HYCC2: variants seen among roughly 807,000 people sequenced by gnomAD.
HYCC2 encodes the protein hyccin 2.
the HYCC2 span, chr2:201,009,149 T>G: frequency 1.0e-6 from 1 of 969,526 alleles, no homozygotes; most frequent in Non-Finnish European, 1.6e-6. Context: ...ATCTGTATCA[T>G]GTAATAATAT....
the HYCC2 span, among the ~76,000 whole-genome samples, chr2:201,028,178 A>C: frequency 6.6e-6 from 1 of 152,156 alleles, no homozygotes; most frequent in African/African-American, 2.4e-5. Context: ...ATAACAAACA[A>C]ACAAAGAGCC....
the HYCC2 span, chr2:200,975,183 C>A: frequency 6.6e-6 from 1 of 151,920 alleles, no homozygotes; most frequent in Non-Finnish European, 1.5e-5. Context: ...AAAATGGAAT[C>A]TTGTAGCTAC....
At chr2:200,989,801 G>A in the HYCC2 span, among the ~76,000 whole-genome samples, 7 of 152,046 alleles carry the variant, frequency 4.6e-5, no homozygotes, top group East Asian at 1.9e-4. Context: ...GTGACAGAGT[G>A]AGACCCTGTC....
At chr2:200,998,321 T>A in the HYCC2 span, among the ~76,000 whole-genome samples, 3 of 152,220 alleles carry the variant, frequency 2.0e-5, no homozygotes, top group African/African-American at 7.2e-5. Flanking sequence ...TGCTCCTTCT[T>A]AATAGAATAT....
chr2:200,995,644 C>G, the HYCC2 span, among the ~76,000 whole-genome samples: 1 of 152,170 alleles, frequency 6.6e-6, no homozygotes, highest in Admixed American at 6.5e-5. Context: ...CTGAAGCCCT[C>G]AGTCCTACAG....
chr2:201,067,032 C>G, the HYCC2 span: 1 of 345,030 alleles, frequency 2.9e-6, no homozygotes, highest in South Asian at 2.6e-5. Context: ...GATGTTAAAG[C>G]CAACAAGCAC....
the HYCC2 span, chr2:200,980,612 T>C: frequency 6.5e-6 from 1 of 152,770 alleles, no homozygotes; most frequent in Non-Finnish European, 1.5e-5. Flanking sequence ...CCAATGGAGG[T>C]GGTCACAACT....
chr2:201,009,150 GTAA>G, the HYCC2 span: 704 of 966,600 alleles, frequency 7.3e-4, 1 homozygote, highest in Non-Finnish European at 7.3e-4. Flanking sequence ...TCTGTATCAT[GTAA>G]TAATATTTAA....
the HYCC2 span, among the ~76,000 whole-genome samples, chr2:201,038,939 A>T: frequency 6.6e-6 from 1 of 151,992 alleles, no homozygotes; most frequent in African/African-American, 2.4e-5. Context: ...AAAAAAAAAA[A>T]GCTTAACTAA....
the HYCC2 span, among the ~76,000 whole-genome samples, chr2:201,018,387 G>A: frequency 2.5e-4 from 38 of 152,062 alleles, no homozygotes; most frequent in East Asian, 7.3e-3. Flanking sequence ...GTAATTTCAT[G>A]TACTTTCCTC....
chr2:200,992,913 T>C, the HYCC2 span: 13 of 1,611,566 alleles, frequency 8.1e-6, no homozygotes, highest in African/African-American at 1.3e-5. Flanking sequence ...CTGTGAGAAG[T>C]TGCACCATAA....
At chr2:201,007,533 A>G in the HYCC2 span, among the ~76,000 whole-genome samples, 1 of 152,210 alleles carries the variant, frequency 6.6e-6, no homozygotes, top group African/African-American at 2.4e-5. Flanking sequence ...AAAAACCTTA[A>G]GTTGAACCAT....
At chr2:201,005,606 T>C in the HYCC2 span, among the ~76,000 whole-genome samples, 1 of 152,200 alleles carries the variant, frequency 6.6e-6, no homozygotes, top group Non-Finnish European at 1.5e-5. Context: ...AGAATGTATA[T>C]TTATCGCCTA....
the HYCC2 span, chr2:200,982,001 C>T: frequency 2.3e-6 from 2 of 880,284 alleles, no homozygotes; most frequent in Non-Finnish European, 3.4e-6. Context: ...ATCAACACTT[C>T]CCCTAAATAA....
chr2:201,050,502 G>A, the HYCC2 span, among the ~76,000 whole-genome samples: 2 of 150,410 alleles, frequency 1.3e-5, no homozygotes, highest in Non-Finnish European at 2.9e-5. Context: ...TGAGGAGGGA[G>A]AATCTCTTGA....
the HYCC2 span, chr2:201,021,553 T>C: frequency 1.3e-5 from 2 of 154,072 alleles, no homozygotes; most frequent in African/African-American, 4.8e-5. Flanking sequence ...AATGTCATTT[T>C]AGAATCTCAT....
the HYCC2 span, among the ~76,000 whole-genome samples, chr2:201,035,763 C>T: frequency 2.5e-3 from 386 of 152,174 alleles, 9 homozygotes; most frequent in East Asian, 0.019. Flanking sequence ...ATGATGGTGA[C>T]GTTCAGATGG....
At chr2:200,989,506 A>T in the HYCC2 span, among the ~76,000 whole-genome samples, 1 of 152,312 alleles carries the variant, frequency 6.6e-6, no homozygotes, top group Non-Finnish European at 1.5e-5. Flanking sequence ...AAAATGATAT[A>T]AATAAAATGG....
the HYCC2 span, chr2:200,975,349 T>A: frequency 3.4e-4 from 52 of 152,170 alleles, no homozygotes; most frequent in African/African-American, 1.3e-3. Flanking sequence ...CTTCCTTTGA[T>A]ATAATTAACA....
Sources: allele counts gnomAD v4.1 joint callset (sites outside exome capture counted in the v4.1 genomes callset), GRCh38; gene constraint gnomAD v4.1.1; transcripts MANE v1.5; gene names NCBI Gene and HGNC (gene_info 2026-07-23, HGNC 2026-07-21).